Variants in FAM78B observed in about 807,000 individuals in gnomAD.
The protein encoded by FAM78B is family with sequence similarity 78 member B, also known as protein FAM78B.
A neutral mutation model predicts 20.0 loss-of-function variants in FAM78B; 10 were observed. The observed-to-expected ratio is 0.50, with a 90% CI of 0.31 to 0.85. The LOEUF is 0.85. FAM78B is among the 40% of genes least tolerant of loss of function. The pLI, the probability that FAM78B is intolerant of heterozygous loss-of-function variation, is 0.05. For missense variants in FAM78B, 283 were observed against 345.0 expected (o/e 0.82, Z 1.42); for synonymous variants, 135 against 132.8 (o/e 1.02, Z -0.12).
intron 1 of FAM78B, among the ~76,000 whole-genome samples, chr1:166,134,210 G>A (rs910001051): frequency 4.9e-5 from 4 of 81,638 alleles, no homozygotes; most frequent in East Asian, 6.2e-4. Context: ...TCCCACCCCC[G>A]ACCCCACTAT....
intron 1 of FAM78B, among the ~76,000 whole-genome samples, chr1:166,109,830 A>ATATATG (rs1166369991): frequency 4.9e-5 from 1 of 20,514 alleles, no homozygotes; most frequent in Admixed American, 5.8e-4. Context: ...ATATATATAT[A>ATATATG]TGTATATATG....
At chr1:166,163,252 A>G (rs1656226895) in intron 1 of FAM78B, among the ~76,000 whole-genome samples, 1 of 152,238 alleles carries the variant, frequency 6.6e-6, no homozygotes, top group South Asian at 2.1e-4. Context: ...AATAGGTGCC[A>G]CAACTCTTCA....
intron 1 of FAM78B, among the ~76,000 whole-genome samples, chr1:166,136,043 G>A (rs1655051061): frequency 6.6e-6 from 1 of 152,140 alleles, no homozygotes; most frequent in Admixed American, 6.6e-5. Flanking sequence ...AAGCCTCAAT[G>A]CTAACTTTTT....
intron 1 of FAM78B, among the ~76,000 whole-genome samples, chr1:166,114,739 G>A (rs1217603203): frequency 3.3e-5 from 5 of 152,300 alleles, no homozygotes; most frequent in African/African-American, 1.2e-4. Flanking sequence ...AGCCTTCCCA[G>A]AAGAGAATAC....
chr1:166,058,600 G>A (rs895377449), exon 3 of FAM78B: 1 of 151,548 alleles, frequency 6.6e-6, no homozygotes, highest in Non-Finnish European at 1.5e-5. Flanking sequence ...GAGTTCACTG[G>A]GGCCCATCAT....
At position 166,166,159 on chromosome 1, in the gene FAM78B, GCA is replaced by G; in HGVS notation, c.88_89del (p.Cys30ProfsTer65). The G allele has an allele frequency of 6.2e-7, 1 of 1,604,906 alleles. No individual in the cohort carries two copies. The highest frequency in any genetic ancestry group is 2.3e-5 in the East Asian group (1 of 44,302). The part of the protein sequence containing the change: ...VYDVCATIDQ[C>X]PTRIEETSPI... ...GCGAGGTCTCCTCGATGCGCGTGGG[GCA>G]CTGGTCGATGGTGGCGCACACATCG... On this transcript the variant is annotated frameshift_variant, in exon 1 of 2. Coordinates refer to ENST00000354422, the MANE Select transcript of FAM78B (RefSeq NM_001017961.5). LOFTEE classifies it high-confidence loss of function.
At chr1:166,119,553 C>G (rs1654389566) in intron 1 of FAM78B, among the ~76,000 whole-genome samples, 1 of 152,150 alleles carries the variant, frequency 6.6e-6, no homozygotes, top group Non-Finnish European at 1.5e-5. Flanking sequence ...CTACATTTGT[C>G]CAGGAGAGTA....
chr1:166,071,050 A>G (rs1652007785), intron 1 of FAM78B, among the ~76,000 whole-genome samples: 1 of 152,246 alleles, frequency 6.6e-6, no homozygotes, highest in South Asian at 2.1e-4. Flanking sequence ...AGAGACATCA[A>G]CTAGTTAGAT....
chr1:166,085,950 C>G lies in FAM78B; in HGVS notation c.264-15187G>C, dbSNP rs538926930. On this transcript the variant is annotated intron_variant, in intron 1 of 1. Coordinates refer to ENST00000354422, the MANE Select transcript of FAM78B (RefSeq NM_001017961.5). ...ATCAAGACAGGCTAGAGGCAGGAAT[C>G]TCAAATGTCAGGTATTATTAATACT... Among the ~76,000 whole-genome samples, 3 of 152,142 alleles carry G rather than the reference C, an allele frequency of 2.0e-5. No individual in the cohort carries two copies. In the South Asian group the frequency reaches 6.2e-4, roughly 32 times the overall value.
At chr1:166,087,007 C>A (rs535955690) in intron 1 of FAM78B, 3 of 152,246 alleles carry the variant, frequency 2.0e-5, no homozygotes, top group African/African-American at 7.2e-5. Flanking sequence ...GAAAGTGGTA[C>A]ACACACTGGC....
At chr1:166,124,525 G>A (rs1160986443) in intron 1 of FAM78B, among the ~76,000 whole-genome samples, 1 of 152,192 alleles carries the variant, frequency 6.6e-6, no homozygotes, top group Non-Finnish European at 1.5e-5. Flanking sequence ...AGGAAACTGA[G>A]GCACAGATAA....
At chr1:166,149,974 G>A (rs948422211) in intron 1 of FAM78B, among the ~76,000 whole-genome samples, 2 of 152,220 alleles carry the variant, frequency 1.3e-5, no homozygotes, top group African/African-American at 2.4e-5. Flanking sequence ...CAAGCTTCCT[G>A]CCTGCCAGAA....
chr1:166,079,391 C>T (rs541706559), intron 1 of FAM78B, among the ~76,000 whole-genome samples: 2 of 152,198 alleles, frequency 1.3e-5, no homozygotes, highest in African/African-American at 2.4e-5. Flanking sequence ...CCTAAACATA[C>T]CTCCAGAGTC....
chr1:166,062,625 G>A lies in FAM78B; in HGVS notation c.*410-1962C>T, dbSNP rs568858504. 2.0e-5 allele frequency among the ~76,000 whole-genome samples: 3 copies of A among 152,320 alleles called. No homozygotes were observed. In the East Asian group the frequency reaches 5.8e-4, roughly 29 times the overall value. On this transcript the variant is annotated intron_variant and NMD_transcript_variant, in intron 2 of 2. Transcript: ENST00000435676. ...CGTGTACAAAGAAATGGGTGGCGTA[G>A]CCTCTCAGTCCCTGCTCATCTGATA...
chr1:166,062,255 C>T (rs1651627938), intron 2 of FAM78B, among the ~76,000 whole-genome samples: 1 of 152,178 alleles, frequency 6.6e-6, no homozygotes, highest in Non-Finnish European at 1.5e-5. Context: ...AAAATCAGGC[C>T]TCAGGGGTCT....
At chr1:166,058,566 C>T (rs1651447324) in exon 3 of FAM78B, 1 of 150,234 alleles carries the variant, frequency 6.7e-6, no homozygotes, top group African/African-American at 2.4e-5. Flanking sequence ...ATATATTATA[C>T]ATTCTATGTA....
chr1:166,078,198 AT>A (rs1388962895), intron 1 of FAM78B, among the ~76,000 whole-genome samples: 2 of 151,334 alleles, frequency 1.3e-5, no homozygotes, highest in African/African-American at 2.4e-5. Context: ...CACCCAACTA[AT>A]TTTTGTATTT....
At chr1:166,110,942 A>G (rs1424992687) in intron 1 of FAM78B, among the ~76,000 whole-genome samples, 1 of 152,336 alleles carries the variant, frequency 6.6e-6, no homozygotes, top group South Asian at 2.1e-4. Context: ...GTATATAGAA[A>G]TGACAGAAAC....
intron 1 of FAM78B, among the ~76,000 whole-genome samples, chr1:166,149,198 T>G (rs1452671299): frequency 6.6e-6 from 1 of 152,228 alleles, no homozygotes; most frequent in Non-Finnish European, 1.5e-5. Context: ...TTTCTAGTTC[T>G]AGATCCCTGA....
Sources: gnomAD v4.1 joint callset for allele counts (sites outside exome capture counted in the v4.1 genomes callset) on GRCh38, gnomAD v4.1.1 for gene constraint, MANE v1.5 for transcripts, NCBI Gene and HGNC (gene_info 2026-07-23, HGNC 2026-07-21) for gene names.